SLC26A3: variants seen among roughly 807,000 people sequenced by gnomAD.
SLC26A3 encodes solute carrier family 26 member 3, also known as chloride anion exchanger.
Under a neutral mutation model 85.6 loss-of-function variants are expected in SLC26A3, and 64 were observed. The observed-to-expected ratio is 0.75, with a 90% CI of 0.61 to 0.92. The LOEUF (loss-of-function observed/expected upper bound fraction) is 0.92. SLC26A3 is among the 40% of genes least tolerant of loss of function. SLC26A3 has a pLI of 0.00. For missense variants in SLC26A3, 922 were observed against 927.3 expected, an observed-to-expected ratio of 0.99 and a Z score of 0.07; for synonymous variants, 349 against 336.0, an observed-to-expected ratio of 1.04 and a Z score of -0.42.
intron 20 of SLC26A3, among the ~76,000 whole-genome samples, 191 bp downstream of exon 20, chr7:107,767,388 C>T (rs533096156): frequency 6.6e-6 from 1 of 152,158 alleles, no homozygotes; most frequent in Admixed American, 6.5e-5. Context: ...TGTTTTTGTA[C>T]GGGTCTGAGT....
intron 1 of SLC26A3, among the ~76,000 whole-genome samples, chr7:107,796,854 G>T (rs1337642426): frequency 1.3e-5 from 2 of 151,820 alleles, no homozygotes; most frequent in Non-Finnish European, 2.9e-5. Flanking sequence ...AAAAAAAAAA[G>T]ATTCTGCTCT....
At chr7:107,798,835 G>A (rs1192773700) in intron 1 of SLC26A3, among the ~76,000 whole-genome samples, 1 of 152,196 alleles carries the variant, frequency 6.6e-6, no homozygotes, top group African/African-American at 2.4e-5. Context: ...GCCAGTCAGT[G>A]CAAAACCAGA....
chr7:107,799,877 T>C (rs1794572731), intron 1 of SLC26A3, among the ~76,000 whole-genome samples: 1 of 152,228 alleles, frequency 6.6e-6, no homozygotes, highest in South Asian at 2.1e-4. Flanking sequence ...AGCTGGAACC[T>C]GTTGGAAAAT....
chr7:107,781,793 A>T (rs921476224), intron 11 of SLC26A3, among the ~76,000 whole-genome samples: 3 of 152,296 alleles, frequency 2.0e-5, no homozygotes, highest in African/African-American at 7.2e-5. Context: ...ACCAACAAGG[A>T]AAAAAGGCCT....
In SLC26A3 at chr7:107,795,002, A is replaced by G. The variant is rs538703322; in HGVS notation, c.-88-405T>C. On this transcript the variant is annotated intron_variant, in intron 1 of 20. Coordinates refer to ENST00000340010, the MANE Select transcript of SLC26A3 (RefSeq NM_000111.3). ...AGTCCAGACTGTTCCAATTTACCCAACAGAATTTTAAAATTTGTTTTTTTT... is the reference window on the plus strand; with the variant it reads ...AGTCCAGACTGTTCCAATTTACCCAGCAGAATTTTAAAATTTGTTTTTTTT... 1.3e-4 allele frequency among the ~76,000 whole-genome samples: 20 copies of G among 152,304 alleles called. No homozygotes were observed. In the South Asian group the frequency reaches 4.1e-3, roughly 32 times the overall value.
chr7:107,780,660 G>C (rs1283289669), intron 11 of SLC26A3, among the ~76,000 whole-genome samples: 1 of 152,062 alleles, frequency 6.6e-6, no homozygotes, highest in African/African-American at 2.4e-5. Flanking sequence ...GAGGACAGTT[G>C]AACTGATCTG....
At chr7:107,772,197 G>A (rs1794040336) in intron 17 of SLC26A3, 89 bp from the exon 18 acceptor site, 1 of 768,034 alleles carries the variant, frequency 1.3e-6, no homozygotes, top group African/African-American at 1.7e-5. Flanking sequence ...CCTTACGGGT[G>A]ATATATTCCT....
At chr7:107,794,095 T>C (rs1211302878) in intron 2 of SLC26A3, among the ~76,000 whole-genome samples, 1 of 152,212 alleles carries the variant, frequency 6.6e-6, no homozygotes, top group African/African-American at 2.4e-5. Flanking sequence ...TAGACCTATT[T>C]GTCATCCTCA....
chr7:107,798,087 T>G (rs1794540873), intron 1 of SLC26A3, among the ~76,000 whole-genome samples: 1 of 152,112 alleles, frequency 6.6e-6, no homozygotes, highest in Admixed American at 6.5e-5. Flanking sequence ...TGTATATATT[T>G]CCACTTTTAT....
chr7:107,774,076 G>T lies in SLC26A3; in HGVS notation c.1851C>A (p.Asp617Glu), dbSNP rs138629546. 1.2e-6 allele frequency: 2 copies of T among 1,614,016 alleles called. No homozygotes were observed. The highest frequency in any genetic ancestry group is 1.7e-6 in the Non-Finnish European group (2 of 1,180,014). ...ELDNNQIEVLDQPINTTDLPF... is the reference protein window; with the variant it reads ...ELDNNQIEVLEQPINTTDLPF... ...GCAGGTCTGTGGTATTGATTGGCTGGTCCAGTACTTCTATCTGATTGTTGT... is the reference window on the plus strand; with the variant it reads ...GCAGGTCTGTGGTATTGATTGGCTGTTCCAGTACTTCTATCTGATTGTTGT... The change falls in exon 17 of 21, where the codon GAC (aspartate) becomes GAA (glutamate). Residue 617 changes from aspartate to glutamate, a missense_variant. Asp to Glu is a conservative substitution (Grantham distance 45). Coordinates refer to ENST00000340010, the MANE Select transcript of SLC26A3 (RefSeq NM_000111.3).
chr7:107,802,929 C>T (rs1420096618), intron 1 of SLC26A3, among the ~76,000 whole-genome samples, 182 bp downstream of exon 1: 1 of 152,126 alleles, frequency 6.6e-6, no homozygotes, highest in Non-Finnish European at 1.5e-5. Context: ...AATATTTATT[C>T]TACATTGCTA....
In SLC26A3 at chr7:107,773,740, G is replaced by A. The variant is rs187066837; in HGVS notation, c.2007+180C>T. Among the ~76,000 whole-genome samples, 1,470 of 152,204 alleles carry A rather than the reference G, an allele frequency of 9.7e-3. 10 individuals are homozygous for A. Among genetic ancestry groups the A allele is most frequent in the Middle Eastern group, 0.048 (14 of 294 alleles). On this transcript the variant is annotated intron_variant, in intron 17 of 20. Transcript: ENST00000340010. The stretch of plus-strand genomic sequence containing the variant: ...TGATTTTTGTATTTTTAGTAGAGAC[G>A]GGGCTTCGCCATGTTGGCCAGGCTG...
chr7:107,771,130 G>GTAAC (rs60152203), intron 18 of SLC26A3, among the ~76,000 whole-genome samples: 32,796 of 151,924 alleles, frequency 0.22, 6,222 homozygotes, highest in African/African-American at 0.52. Context: ...ATAGGACCTG[G>GTAAC]TCATTGACTA....
intron 6 of SLC26A3, 120 bp from the exon 7 acceptor site, chr7:107,787,629 G>T: frequency 1.2e-6 from 1 of 837,484 alleles, no homozygotes; most frequent in Non-Finnish European, 1.9e-6. Flanking sequence ...GACTGATAGT[G>T]ATTTCCTGTA....
In SLC26A3 at chr7:107,783,244, G is replaced by C; in HGVS notation, c.1080C>G (p.Val360=). The C allele has an allele frequency of 6.2e-7, 1 of 1,614,208 alleles. No individual in the cohort carries two copies. The highest frequency in any genetic ancestry group is 1.7e-5 in the Admixed American group (1 of 60,020). ...GTGGATAATCGTATTTGAGGGAATAGACGCTGGCAACTGAAAAGGCCACTG... is the reference window on the plus strand; with the variant it reads ...GTGGATAATCGTATTTGAGGGAATACACGCTGGCAACTGAAAAGGCCACTG... ...AFAVAFSVAS[V]YSLKYDYPLD... Residue 360 remains valine, a synonymous_variant, in exon 9 of 21, where the codon GTC becomes GTG. Coordinates refer to ENST00000340010, the MANE Select transcript of SLC26A3 (RefSeq NM_000111.3).
chr7:107,782,017 C>T (rs1043422995), intron 11 of SLC26A3, among the ~76,000 whole-genome samples: 5 of 152,114 alleles, frequency 3.3e-5, no homozygotes, highest in African/African-American at 1.2e-4. Context: ...ATTTCCCTTT[C>T]TATTTTACAA....
chr7:107,799,276 A>T (rs922003714), intron 1 of SLC26A3, among the ~76,000 whole-genome samples: 1 of 152,340 alleles, frequency 6.6e-6, no homozygotes, highest in South Asian at 2.1e-4. Flanking sequence ...GTACAACAGA[A>T]AAGAGTGAGA....
At chr7:107,796,383 C>T (rs1456904560) in intron 1 of SLC26A3, among the ~76,000 whole-genome samples, 1 of 152,156 alleles carries the variant, frequency 6.6e-6, no homozygotes, top group Non-Finnish European at 1.5e-5. Flanking sequence ...CTGATAGGTG[C>T]ACCACCAGGG....
At chr7:107,790,031 G>A (rs182739877) in intron 5 of SLC26A3, among the ~76,000 whole-genome samples, 2 of 152,282 alleles carry the variant, frequency 1.3e-5, no homozygotes, top group East Asian at 3.9e-4. Context: ...ATCTTACCTA[G>A]CATCAGCCCT....
Sources: gnomAD v4.1 joint callset for allele counts (sites outside exome capture counted in the v4.1 genomes callset) on GRCh38, gnomAD v4.1.1 for gene constraint, MANE v1.5 for transcripts, NCBI Gene and HGNC (gene_info 2026-07-23, HGNC 2026-07-21) for gene names.